JARID2: variants seen among roughly 807,000 people sequenced by gnomAD.
JARID2 encodes jumonji and AT-rich interaction domain containing 2, also known as protein Jumonji.
In JARID2, 21 loss-of-function variants were observed where a neutral mutation model predicts 125.6. The ratio of observed to expected loss-of-function variants is 0.17; its 90% CI spans 0.12 to 0.24. The LOEUF (loss-of-function observed/expected upper bound fraction) is 0.24, where lower values mean the gene tolerates loss of function less well. JARID2 is among the 10% of genes least tolerant of loss of function. The pLI is 1.00. For synonymous variants in JARID2, 736 were observed against 661.6 expected, an observed-to-expected ratio of 1.11 and a Z score of -1.73; for missense variants, 1,303 against 1,639.6, an observed-to-expected ratio of 0.79 and a Z score of 3.55.
intron 7 of JARID2, among the ~76,000 whole-genome samples, chr6:15,498,811 G>C (rs548389770): frequency 6.6e-6 from 1 of 152,354 alleles, no homozygotes; most frequent in South Asian, 2.1e-4. Flanking sequence ...CTCTGCACAC[G>C]CGTGCACCCA....
chr6:15,514,826 G>A (rs1237443137), intron 16 of JARID2, among the ~76,000 whole-genome samples: 1 of 152,110 alleles, frequency 6.6e-6, no homozygotes, highest in African/African-American at 2.4e-5. Context: ...GAGGTTCAAC[G>A]TTTGCATTTG....
intron 5 of JARID2, among the ~76,000 whole-genome samples, chr6:15,469,330 C>CCCCT: frequency 9.8e-6 from 1 of 102,122 alleles, no homozygotes; most frequent in Non-Finnish European, 2.0e-5. Context: ...CTCTCTCTCT[C>CCCCT]TCTCTCCTGT....
intron 1 of JARID2, chr6:15,369,313 T>TA (rs549926447): frequency 1.7e-4 from 80 of 464,896 alleles, no homozygotes; most frequent in Middle Eastern, 1.1e-3. Context: ...GTAAATTTTG[T>TA]AAAAAAAATT....
chr6:15,508,580 C>T (rs530564831), intron 12 of JARID2, 126 bp downstream of exon 12: 1 of 640,864 alleles, frequency 1.6e-6, no homozygotes, highest in South Asian at 1.8e-5. Context: ...TCTCTGTGTT[C>T]AGGCCTGTCC....
intron 2 of JARID2, among the ~76,000 whole-genome samples, chr6:15,381,311 AGCTGGGGCGACAGAGGGAGACTCCT>A (rs1259905804): frequency 2.0e-4 from 29 of 142,826 alleles, no homozygotes; most frequent in African/African-American, 7.5e-4. Context: ...ACTGCAATCC[AGCTGGGGCGACAGAGGGAGACTCCT>A]GTCTCAAAAA....
intron 3 of JARID2, among the ~76,000 whole-genome samples, chr6:15,421,228 C>T (rs1020238320): frequency 7.2e-5 from 11 of 151,930 alleles, no homozygotes; most frequent in African/African-American, 9.7e-5. Context: ...ATATGGTGGC[C>T]GTTGTTTTGT....
chr6:15,352,059 G>A (rs1279708467), intron 1 of JARID2, among the ~76,000 whole-genome samples: 2 of 152,050 alleles, frequency 1.3e-5, no homozygotes, highest in Admixed American at 1.3e-4. Flanking sequence ...ATTTTTTTCA[G>A]TAATAGTTCT....
intron 3 of JARID2, among the ~76,000 whole-genome samples, chr6:15,429,093 C>T (rs1406397537): frequency 6.6e-6 from 1 of 152,084 alleles, no homozygotes; most frequent in African/African-American, 2.4e-5. Flanking sequence ...AATAGGTAGT[C>T]TTTGCTTTCT....
At chr6:15,385,191 T>G (rs1393820257) in intron 2 of JARID2, among the ~76,000 whole-genome samples, 1 of 152,204 alleles carries the variant, frequency 6.6e-6, no homozygotes, top group Non-Finnish European at 1.5e-5. Context: ...TCCTGGTATT[T>G]TAAATACACA....
intron 5 of JARID2, among the ~76,000 whole-genome samples, chr6:15,475,400 GAA>G (rs750011048): frequency 6.6e-6 from 1 of 152,192 alleles, no homozygotes; most frequent in Non-Finnish European, 1.5e-5. Context: ...GCAGACAGAG[GAA>G]AGAGTCCTGG....
intron 1 of JARID2, among the ~76,000 whole-genome samples, chr6:15,358,887 TGAGTTTATAA>T (rs1280619064): frequency 6.6e-6 from 1 of 152,244 alleles, no homozygotes; most frequent in Admixed American, 6.5e-5. Flanking sequence ...GCAGCCATTC[TGAGTTTATAA>T]GATCTCTGGC....
intron 1 of JARID2, among the ~76,000 whole-genome samples, chr6:15,292,055 C>T (rs757054912): frequency 6.6e-6 from 1 of 152,038 alleles, no homozygotes; most frequent in South Asian, 2.1e-4. Context: ...CTTGCTCTGT[C>T]GCCCAAGCTG....
chr6:15,417,166 G>T (rs1457039377), intron 3 of JARID2, among the ~76,000 whole-genome samples: 3 of 152,186 alleles, frequency 2.0e-5, no homozygotes, highest in African/African-American at 7.2e-5. Flanking sequence ...AGGGGGAAGA[G>T]GGTAGAAAAA....
At chr6:15,512,789 T>A in intron 14 of JARID2, 126 bp from the exon 15 acceptor site, 4 of 1,011,028 alleles carry the variant, frequency 4.0e-6, no homozygotes, top group Non-Finnish European at 5.8e-6. Flanking sequence ...TTTGAAGAGT[T>A]TTTAATCTAA....
chr6:15,389,996 C>T (rs2127539993), intron 2 of JARID2, among the ~76,000 whole-genome samples: 1 of 152,198 alleles, frequency 6.6e-6, no homozygotes, highest in African/African-American at 2.4e-5. Context: ...TTTTAGTTTC[C>T]TTCTTTGACA....
chr6:15,392,551 T>C (rs1765062821), intron 2 of JARID2, among the ~76,000 whole-genome samples: 1 of 152,182 alleles, frequency 6.6e-6, no homozygotes, highest in South Asian at 2.1e-4. Flanking sequence ...GTCAGCAGTA[T>C]AGGTCATTGC....
chr6:15,468,793 G>A, intron 5 of JARID2, 75 bp downstream of exon 5: 1 of 1,432,298 alleles, frequency 7.0e-7, no homozygotes, highest in South Asian at 1.4e-5. Context: ...CCTCTGCTGA[G>A]AAGAGATGAG....
intron 5 of JARID2, among the ~76,000 whole-genome samples, chr6:15,469,334 CTCCTG>C (rs1768925629): frequency 3.1e-5 from 2 of 65,486 alleles, no homozygotes; most frequent in African/African-American, 1.4e-4. Flanking sequence ...CTCTCTCTCT[CTCCTG>C]TCTCTCTCTC....
chr6:15,361,166 T>C (rs368837938), intron 1 of JARID2, among the ~76,000 whole-genome samples: 20 of 152,296 alleles, frequency 1.3e-4, no homozygotes, highest in African/African-American at 4.8e-4. Context: ...ACACGCCACA[T>C]CTAGTCTGTC....
Sources: allele counts gnomAD v4.1 joint callset (sites outside exome capture counted in the v4.1 genomes callset), GRCh38; gene constraint gnomAD v4.1.1; transcripts MANE v1.5; gene names NCBI Gene and HGNC (gene_info 2026-07-23, HGNC 2026-07-21).